The following CSMD1 variants were observed in gnomAD, a reference collection of about 807,000 sequenced individuals.
The protein encoded by CSMD1 is CUB and Sushi multiple domains 1, also known as CUB and sushi domain-containing protein 1.
Under a neutral mutation model 417.5 loss-of-function variants are expected in CSMD1, and 213 were observed. The observed-to-expected ratio is 0.51, with a 90% confidence interval of 0.46 to 0.57. The LOEUF is 0.57. Ranked by LOEUF, CSMD1 falls within the 20% of genes least tolerant of loss-of-function variation. The pLI is 0.00. For synonymous variants in CSMD1, 2,862 were observed against 1,736.8 expected (o/e 1.65, Z -16.11); for missense variants, 6,923 against 4,529.7 (o/e 1.53, Z -15.17).
chr8:3,016,937 G>A (rs565747644), intron 52 of CSMD1, among the ~76,000 whole-genome samples: 2 of 152,080 alleles, frequency 1.3e-5, no homozygotes, highest in African/African-American at 2.4e-5. Flanking sequence ...AATAACACAA[G>A]ATAGATAAAG....
chr8:4,873,544 A>G (rs933753385), intron 1 of CSMD1, among the ~76,000 whole-genome samples: 4 of 152,146 alleles, frequency 2.6e-5, no homozygotes, highest in African/African-American at 9.7e-5. Context: ...AACAGCATCT[A>G]AGAACATATG....
intron 3 of CSMD1, among the ~76,000 whole-genome samples, chr8:4,310,495 T>C (rs891300698): frequency 4.7e-5 from 7 of 149,358 alleles, no homozygotes; most frequent in African/African-American, 1.7e-4. Context: ...TTTATTAATT[T>C]GAAACTTCTT....
At chr8:4,631,394 G>GT (rs1352993082) in intron 2 of CSMD1, among the ~76,000 whole-genome samples, 17 of 143,432 alleles carry the variant, frequency 1.2e-4, no homozygotes, top group Middle Eastern at 3.6e-3. Flanking sequence ...TGATACCTTG[G>GT]TTTGTTTTTT....
intron 36 of CSMD1, 62 bp downstream of exon 36, chr8:3,187,807 G>T: frequency 1.7e-6 from 2 of 1,211,718 alleles, no homozygotes; most frequent in Non-Finnish European, 2.4e-6. Context: ...TGTTATTTAT[G>T]TTGTTTTCTT....
At chr8:3,913,498 G>A (rs1385938917) in intron 5 of CSMD1, among the ~76,000 whole-genome samples, 1 of 152,098 alleles carries the variant, frequency 6.6e-6, no homozygotes, top group African/African-American at 2.4e-5. Flanking sequence ...TCCCAGAAGT[G>A]AACAAAAATG....
At chr8:3,239,924 G>A in intron 26 of CSMD1, among the ~76,000 whole-genome samples, 1 of 151,780 alleles carries the variant, frequency 6.6e-6, no homozygotes, top group Non-Finnish European at 1.5e-5. Flanking sequence ...GTAATTGTGG[G>A]AGACTCAACA....
chr8:3,583,182 C>A (rs182955967), intron 9 of CSMD1, among the ~76,000 whole-genome samples: 2 of 152,066 alleles, frequency 1.3e-5, no homozygotes, highest in East Asian at 3.9e-4. Flanking sequence ...TCATGTGAGC[C>A]AGTTCCCTGA....
chr8:3,877,561 A>C (rs906625732), intron 5 of CSMD1, among the ~76,000 whole-genome samples: 1 of 152,200 alleles, frequency 6.6e-6, no homozygotes, highest in Non-Finnish European at 1.5e-5. Context: ...GCCAGAGAAA[A>C]AAATGAGCTC....
intron 25 of CSMD1, among the ~76,000 whole-genome samples, chr8:3,286,075 C>T (rs6558754): frequency 0.3 from 45,505 of 151,830 alleles, 7,635 homozygotes; most frequent in South Asian, 0.48. Context: ...GAACATGAGG[C>T]GTTTGGTTTT....
intron 10 of CSMD1, among the ~76,000 whole-genome samples, chr8:3,524,021 A>G (rs1162451559): frequency 3.3e-5 from 4 of 119,852 alleles, no homozygotes; most frequent in African/African-American, 1.7e-4. Flanking sequence ...GTGCACGTGC[A>G]CACACACACA....
In CSMD1 at chr8:3,162,192, G is replaced by C. The variant is rs926150581; in HGVS notation, c.5811C>G (p.Leu1937=). 1 of 1,610,170 alleles carries C rather than the reference G, an allele frequency of 6.2e-7. No homozygotes were observed. The highest frequency in any genetic ancestry group is 8.5e-7 in the Non-Finnish European group (1 of 1,178,270). Reference sequence around the variant, plus strand: ...TGTACCCGGGCTCGCACTGGAAGGAGAGCACGTCGTTCACCATGTACCGAT... The same window carrying C: ...TGTACCCGGGCTCGCACTGGAAGGACAGCACGTCGTTCACCATGTACCGAT... The part of the protein sequence containing the change: ...IGDRYMVNDV[L]SFQCEPGYTL... Residue 1937 remains leucine, a synonymous_variant, in exon 38 of 70, where the codon CTC becomes CTG. Coordinates refer to ENST00000635120, the MANE Select transcript of CSMD1 (RefSeq NM_033225.6).
At chr8:3,645,591 A>T (rs909727948) in intron 7 of CSMD1, among the ~76,000 whole-genome samples, 1 of 152,082 alleles carries the variant, frequency 6.6e-6, no homozygotes, top group African/African-American at 2.4e-5. Context: ...TCATGGGAAG[A>T]GTCAGCCTTC....
At chr8:4,210,826 A>G (rs1297094366) in intron 3 of CSMD1, among the ~76,000 whole-genome samples, 1 of 152,176 alleles carries the variant, frequency 6.6e-6, no homozygotes, top group Non-Finnish European at 1.5e-5. Context: ...AGTCTTGGAA[A>G]GAATCATGTA....
At chr8:3,427,684 C>T (rs998444051) in intron 12 of CSMD1, among the ~76,000 whole-genome samples, 3 of 152,090 alleles carry the variant, frequency 2.0e-5, no homozygotes, top group African/African-American at 4.8e-5. Flanking sequence ...CTCACTTTAT[C>T]CCTTTTATCA....
At chr8:3,907,335 G>T (rs1420852150) in intron 5 of CSMD1, among the ~76,000 whole-genome samples, 1 of 152,048 alleles carries the variant, frequency 6.6e-6, no homozygotes, top group Non-Finnish European at 1.5e-5. Flanking sequence ...GTTTCTAAAA[G>T]TTATAATTAG....
chr8:3,953,006 A>T lies in CSMD1; in HGVS notation c.818+44897T>A, dbSNP rs181299832. 5.0e-3 allele frequency among the ~76,000 whole-genome samples: 766 copies of T among 152,264 alleles called. 4 individuals carry two copies. The highest frequency in any genetic ancestry group is 0.014 in the Middle Eastern group (4 of 294). On this transcript the variant is annotated intron_variant, in intron 5 of 69. Transcript: ENST00000635120. ...AAAAATTAGAAAAATAACATTATTTAAAAAAATACATGAGAAGGTTTACTA... is the reference window on the plus strand; with the variant it reads ...AAAAATTAGAAAAATAACATTATTTTAAAAAATACATGAGAAGGTTTACTA...
intron 5 of CSMD1, among the ~76,000 whole-genome samples, chr8:3,925,843 G>T (rs1215683666): frequency 6.6e-6 from 1 of 151,964 alleles, no homozygotes; most frequent in African/African-American, 2.4e-5. Context: ...GGCAGTGAAA[G>T]ATATTTGGGG....
chr8:3,100,780 A>C (rs1473417315), intron 46 of CSMD1, among the ~76,000 whole-genome samples: 8 of 152,318 alleles, frequency 5.3e-5, no homozygotes, highest in African/African-American at 1.9e-4. Context: ...GAGGATTAGT[A>C]CTCTAGGATT....
chr8:4,190,357 C>T (rs943889841), intron 3 of CSMD1, among the ~76,000 whole-genome samples: 17 of 151,848 alleles, frequency 1.1e-4, no homozygotes, highest in Non-Finnish European at 2.2e-4. Context: ...TTCTAACAGC[C>T]TCAGTTTCCT....
Sources: allele counts gnomAD v4.1 joint callset (sites outside exome capture counted in the v4.1 genomes callset), GRCh38; gene constraint gnomAD v4.1.1; transcripts MANE v1.5; gene names NCBI Gene and HGNC (gene_info 2026-07-23, HGNC 2026-07-21).